Variants in GRID2 observed in about 807,000 individuals in gnomAD.
GRID2 encodes the protein glutamate receptor ionotropic, delta-2.
In GRID2, 33 loss-of-function variants were observed where a neutral mutation model predicts 114.8. That is an observed-to-expected ratio of 0.29 (90% CI 0.22 to 0.38). The LOEUF (loss-of-function observed/expected upper bound fraction) is 0.38. Ranked by LOEUF, GRID2 falls within the 10% of genes least tolerant of loss-of-function variation. The pLI is 1.00. For synonymous variants in GRID2, 505 were observed against 449.9 expected (o/e 1.12, Z -1.55); for missense variants, 1,184 against 1,257.7 (o/e 0.94, Z 0.89).
In GRID2 at chr4:93,744,978, T is replaced by G. The variant is rs1471107649; in HGVS notation, c.2361-24232T>G. ...GAAAGCTCAGATTATTATTAGCATT[T>G]TTAGCAAAAATATTTTTAATTAAGG... On this transcript the variant is annotated intron_variant, in intron 14 of 15. Coordinates refer to ENST00000282020, the MANE Select transcript of GRID2 (RefSeq NM_001510.4). 2.0e-5 allele frequency among the ~76,000 whole-genome samples: 3 copies of G among 152,324 alleles called. No individual in the cohort carries two copies. In the East Asian group the frequency reaches 5.8e-4, roughly 29 times the overall value.
chr4:93,058,549 T>C (rs188189373), intron 2 of GRID2, among the ~76,000 whole-genome samples: 29 of 152,016 alleles, frequency 1.9e-4, no homozygotes, highest in Middle Eastern at 3.4e-3. Flanking sequence ...TTCCACACCA[T>C]TGAAATTGGT....
chr4:93,067,206 C>G (rs1346593811), intron 2 of GRID2, among the ~76,000 whole-genome samples: 1 of 152,018 alleles, frequency 6.6e-6, no homozygotes, highest in Non-Finnish European at 1.5e-5. Flanking sequence ...GCCCAGAAAC[C>G]TAGAGGTAGT....
At chr4:92,836,060 C>T (rs1489450805) in intron 2 of GRID2, among the ~76,000 whole-genome samples, 4 of 152,108 alleles carry the variant, frequency 2.6e-5, no homozygotes, top group African/African-American at 9.6e-5. Context: ...TCAAATACAA[C>T]CAGTATCTTC....
At chr4:93,535,433 A>G (rs546344575) in intron 13 of GRID2, among the ~76,000 whole-genome samples, 1 of 152,158 alleles carries the variant, frequency 6.6e-6, no homozygotes, top group East Asian at 1.9e-4. Flanking sequence ...TTGCTAACTC[A>G]TATGGTAGTT....
intron 2 of GRID2, among the ~76,000 whole-genome samples, chr4:92,953,581 G>A (rs1478203226): frequency 6.6e-6 from 1 of 151,988 alleles, no homozygotes. Context: ...TAGTTTATGT[G>A]ATTCATTTTA....
At chr4:93,779,750 G>T (rs1734442482) in intron 1 of GRID2, among the ~76,000 whole-genome samples, 1 of 152,184 alleles carries the variant, frequency 6.6e-6, no homozygotes, top group African/African-American at 2.4e-5. Flanking sequence ...AGGTCAGAAG[G>T]ATGCTTTTGT....
rs141968934 is a variant in GRID2 at position 92,775,945 on chromosome 4, A to G, written c.244+185659A>G. On this transcript the variant is annotated intron_variant, in intron 2 of 15. Coordinates refer to ENST00000282020, the MANE Select transcript of GRID2 (RefSeq NM_001510.4). Reference sequence around the variant, plus strand: ...ACAGTTAATGCATACACTATGTTTAAGAAATGAGTAATTCTGCAGGTAGAT... The same window carrying G: ...ACAGTTAATGCATACACTATGTTTAGGAAATGAGTAATTCTGCAGGTAGAT... Among the ~76,000 whole-genome samples, 397 of 152,310 alleles carry G rather than the reference A, an allele frequency of 2.6e-3. 1 individual carries two copies. Among genetic ancestry groups the G allele is most frequent in the Non-Finnish European group, 4.6e-3 (314 of 68,020 alleles).
chr4:92,800,435 G>A (rs899276537), intron 2 of GRID2, among the ~76,000 whole-genome samples: 14 of 151,964 alleles, frequency 9.2e-5, no homozygotes, highest in Non-Finnish European at 2.1e-4. Flanking sequence ...CAAGGTTGTA[G>A]ATTGACACAA....
intron 1 of GRID2, among the ~76,000 whole-genome samples, chr4:93,802,873 C>A (rs1354286193): frequency 6.6e-6 from 1 of 152,162 alleles, no homozygotes; most frequent in African/African-American, 2.4e-5. Flanking sequence ...GAAAGTAAGA[C>A]CCCCAAATTC....
At chr4:92,531,589 A>G (rs1210466357) in intron 1 of GRID2, among the ~76,000 whole-genome samples, 1 of 152,136 alleles carries the variant, frequency 6.6e-6, no homozygotes, top group East Asian at 1.9e-4. Context: ...TTGAAATACT[A>G]ACTACATTTT....
intron 1 of GRID2, among the ~76,000 whole-genome samples, chr4:92,540,162 C>T (rs1204911366): frequency 2.0e-5 from 3 of 152,160 alleles, no homozygotes; most frequent in Non-Finnish European, 4.4e-5. Context: ...GGATTAAAGA[C>T]TTCAATGTTA....
intron 2 of GRID2, among the ~76,000 whole-genome samples, chr4:92,597,864 T>C (rs959626181): frequency 1.3e-5 from 2 of 152,204 alleles, no homozygotes; most frequent in Admixed American, 1.3e-4. Flanking sequence ...TATGTAGTCA[T>C]AAAATAATTT....
At chr4:93,330,544 A>G (rs1264371995) in intron 8 of GRID2, among the ~76,000 whole-genome samples, 1 of 152,180 alleles carries the variant, frequency 6.6e-6, no homozygotes, top group African/African-American at 2.4e-5. Flanking sequence ...TTAATTTTTA[A>G]AGTAATGCCA....
chr4:92,703,644 T>A (rs931090946), intron 2 of GRID2, among the ~76,000 whole-genome samples: 6 of 138,880 alleles, frequency 4.3e-5, no homozygotes, highest in South Asian at 2.3e-4. Context: ...TATATATATA[T>A]AAAATCATGA....
intron 2 of GRID2, among the ~76,000 whole-genome samples, chr4:92,739,423 A>G (rs1736762737): frequency 6.6e-6 from 1 of 152,140 alleles, no homozygotes; most frequent in Non-Finnish European, 1.5e-5. Context: ...ACATATGAGT[A>G]ACATTTTTTT....
rs1178123474 is a variant in GRID2 at position 92,989,295 on chromosome 4, A to AT, written c.245-95700_245-95699insT. On this transcript the variant is annotated intron_variant, in intron 2 of 15. Coordinates refer to ENST00000282020, the MANE Select transcript of GRID2 (RefSeq NM_001510.4). The stretch of plus-strand genomic sequence containing the variant: ...CCATCTCAAAAAAAAAAAAAAAAAA[A>AT]AAAAAAATAATAATAATAATCCCAT... Among the ~76,000 whole-genome samples, 304 of 144,322 alleles carry AT rather than the reference A, an allele frequency of 2.1e-3. 4 individuals are homozygous for AT. The highest frequency in any genetic ancestry group is 7.2e-3 in the African/African-American group (280 of 38,814). 94.7% of individuals were successfully genotyped at this position (144,322 alleles called of 152,430 possible).
Position 92,329,063 on chromosome 4 carries a change from T to C in GRID2, c.88+24319T>C, listed in dbSNP as rs1316147862. On this transcript the variant is annotated intron_variant, in intron 1 of 15. Transcript: ENST00000282020. ...GTGTGCACGTGTATATATATGTGTGTGCACACGTGCATGCTAATTTTACTT... is the reference window on the plus strand; with the variant it reads ...GTGTGCACGTGTATATATATGTGTGCGCACACGTGCATGCTAATTTTACTT... 3.3e-5 allele frequency among the ~76,000 whole-genome samples: 5 copies of C among 152,084 alleles called. No individual in the cohort carries two copies. The East Asian group carries it at 7.7e-4, about 23-fold the overall frequency.
chr4:92,463,751 T>G (rs1367793132), intron 1 of GRID2, among the ~76,000 whole-genome samples: 2 of 151,990 alleles, frequency 1.3e-5, no homozygotes, highest in African/African-American at 4.8e-5. Flanking sequence ...AATATTGGGA[T>G]TTAAGCCTAC....
chr4:93,130,717 G>A (rs1402742967), intron 4 of GRID2, among the ~76,000 whole-genome samples: 1 of 152,046 alleles, frequency 6.6e-6, no homozygotes, highest in African/African-American at 2.4e-5. Context: ...ATGAGGTCGA[G>A]CTCTTTATTT....
Sources: gnomAD v4.1 joint callset for allele counts (sites outside exome capture counted in the v4.1 genomes callset) on GRCh38, gnomAD v4.1.1 for gene constraint, MANE v1.5 for transcripts, NCBI Gene and HGNC (gene_info 2026-07-23, HGNC 2026-07-21) for gene names.